The following CSMD1 variants were observed in gnomAD, a reference collection of about 807,000 sequenced individuals.
The protein encoded by CSMD1 is CUB and Sushi multiple domains 1.
CSMD1 carries 213 observed loss-of-function variants against 417.5 expected under a neutral mutation model. The ratio of observed to expected loss-of-function variants is 0.51; its 90% CI spans 0.46 to 0.57. CSMD1 has a LOEUF of 0.57. Among genes scored for constraint, CSMD1 ranks in the 20% least tolerant of loss-of-function variants. The pLI, the probability that CSMD1 is intolerant of heterozygous loss-of-function variation, is 0.00. For missense variants in CSMD1, 6,923 were observed against 4,529.7 expected (o/e 1.53, Z -15.17); for synonymous variants, 2,862 against 1,736.8 (o/e 1.65, Z -16.11).
At chr8:3,284,097 C>G (rs1010554430) in intron 26 of CSMD1, 47 bp downstream of exon 26, 8 of 1,402,404 alleles carry the variant, frequency 5.7e-6, no homozygotes, top group Admixed American at 3.9e-5. Flanking sequence ...GTGTTCATGA[C>G]AAGACTTTGA....
intron 7 of CSMD1, among the ~76,000 whole-genome samples, chr8:3,672,130 T>TG (rs1799102421): frequency 6.6e-6 from 1 of 152,202 alleles, no homozygotes; most frequent in African/African-American, 2.4e-5. Flanking sequence ...GCTGTCTACT[T>TG]CCTCTTGCAA....
chr8:4,827,562 G>C (rs548668988), intron 1 of CSMD1, among the ~76,000 whole-genome samples: 2 of 152,224 alleles, frequency 1.3e-5, no homozygotes, highest in East Asian at 1.9e-4. Context: ...ACAAGGCTTT[G>C]TTTATCAATG....
At chr8:3,122,579 G>A (rs553972852) in intron 41 of CSMD1, among the ~76,000 whole-genome samples, 1 of 152,276 alleles carries the variant, frequency 6.6e-6, no homozygotes, top group South Asian at 2.1e-4. Context: ...ACCCAGGGGA[G>A]GTAATTGCAT....
At chr8:3,280,387 C>T (rs906856828) in intron 26 of CSMD1, among the ~76,000 whole-genome samples, 4 of 152,158 alleles carry the variant, frequency 2.6e-5, no homozygotes, top group Non-Finnish European at 5.9e-5. Flanking sequence ...ACTCACATTT[C>T]CAGAGTTGTA....
intron 2 of CSMD1, among the ~76,000 whole-genome samples, chr8:4,443,978 GA>G (rs1798631166): frequency 6.6e-6 from 1 of 152,116 alleles, no homozygotes; most frequent in Non-Finnish European, 1.5e-5. Context: ...GATATGAGGT[GA>G]AAATGTACAA....
chr8:4,994,271 T>G (rs1811637806), intron 1 of CSMD1, 61 bp downstream of exon 1: 3 of 1,498,780 alleles, frequency 2.0e-6, no homozygotes, highest in Non-Finnish European at 1.8e-6. Context: ...CACACTCGCG[T>G]CCGCACACGG....
intron 23 of CSMD1, among the ~76,000 whole-genome samples, chr8:3,331,163 G>A (rs1188724186): frequency 3.3e-5 from 5 of 151,446 alleles, no homozygotes; most frequent in Admixed American, 2.6e-4. Flanking sequence ...GTGTGAACCC[G>A]GGAGGTGGAG....
chr8:4,110,483 T>G (rs952294489), intron 3 of CSMD1, among the ~76,000 whole-genome samples: 1 of 152,182 alleles, frequency 6.6e-6, no homozygotes, highest in Non-Finnish European at 1.5e-5. Context: ...CCAAGAAATG[T>G]TAACTTTTCA....
chr8:4,207,862 C>T (rs563795077), intron 3 of CSMD1, among the ~76,000 whole-genome samples: 6 of 152,150 alleles, frequency 3.9e-5, no homozygotes, highest in African/African-American at 1.2e-4. Flanking sequence ...ATAATTGGTT[C>T]CATATAGGTG....
intron 3 of CSMD1, among the ~76,000 whole-genome samples, chr8:4,074,766 C>A (rs1799734769): frequency 1.3e-5 from 2 of 152,000 alleles, no homozygotes; most frequent in Non-Finnish European, 2.9e-5. Context: ...AAAAACATTG[C>A]TTGCAAAGTA....
chr8:3,096,247 A>G (rs530856311), intron 47 of CSMD1, among the ~76,000 whole-genome samples: 24 of 152,160 alleles, frequency 1.6e-4, no homozygotes, highest in Non-Finnish European at 2.1e-4. Flanking sequence ...AATGTTAACA[A>G]TCCTATGGTT....
In CSMD1 at chr8:4,313,255, T is replaced by G. The variant is rs886333163; in HGVS notation, c.415+106698A>C. Among the ~76,000 whole-genome samples the G allele has an allele frequency of 2.0e-5, 3 of 152,064 alleles. No individual in the cohort carries two copies. The East Asian group carries it at 5.8e-4, about 30-fold the overall frequency. ...AAAACCTAGTTGGCTAAATTTTCAG[T>G]CACTTTCCTCTAGTGCCCCAGGAAG... On this transcript the variant is annotated intron_variant, in intron 3 of 69. Coordinates refer to ENST00000635120, the MANE Select transcript of CSMD1 (RefSeq NM_033225.6).
At chr8:3,311,106 C>G (rs986364797) in intron 23 of CSMD1, among the ~76,000 whole-genome samples, 1 of 152,258 alleles carries the variant, frequency 6.6e-6, no homozygotes, top group South Asian at 2.1e-4. Context: ...AACTAACTTT[C>G]CAAATGTCTT....
chr8:4,455,471 G>T (rs1371224354), intron 2 of CSMD1, among the ~76,000 whole-genome samples: 1 of 152,132 alleles, frequency 6.6e-6, no homozygotes, highest in African/African-American at 2.4e-5. Context: ...TTGCTTGACA[G>T]CACATCTAAG....
chr8:4,697,049 G>A (rs943443380), intron 1 of CSMD1, among the ~76,000 whole-genome samples: 1 of 152,128 alleles, frequency 6.6e-6, no homozygotes, highest in Non-Finnish European at 1.5e-5. Context: ...GTGCGTGCCT[G>A]TAATCCCAGC....
At chr8:4,035,811 T>C (rs537259663) in intron 3 of CSMD1, among the ~76,000 whole-genome samples, 2 of 152,288 alleles carry the variant, frequency 1.3e-5, no homozygotes, top group Admixed American at 1.3e-4. Flanking sequence ...AATGTGTTTT[T>C]ATACATTTAG....
chr8:4,733,979 G>T (rs957836539), intron 1 of CSMD1, among the ~76,000 whole-genome samples: 1 of 152,198 alleles, frequency 6.6e-6, no homozygotes, highest in Non-Finnish European at 1.5e-5. Flanking sequence ...CCCTATGCAT[G>T]TGAAGTGAAG....
chr8:3,967,432 C>T (rs940943568), intron 5 of CSMD1, among the ~76,000 whole-genome samples: 2 of 145,980 alleles, frequency 1.4e-5, no homozygotes, highest in African/African-American at 2.6e-5. Context: ...CTTTCAAAGT[C>T]CTCATTCAGG....
intron 23 of CSMD1, among the ~76,000 whole-genome samples, chr8:3,309,247 T>C (rs547109121): frequency 4.1e-4 from 62 of 152,144 alleles, no homozygotes; most frequent in Non-Finnish European, 6.0e-4. Flanking sequence ...CCAGCACTTA[T>C]TCCAGCCCAT....
Sources: gnomAD v4.1 joint callset for allele counts (sites outside exome capture counted in the v4.1 genomes callset) on GRCh38, gnomAD v4.1.1 for gene constraint, MANE v1.5 for transcripts, NCBI Gene and HGNC (gene_info 2026-07-23, HGNC 2026-07-21) for gene names.